RIT2: variants seen among roughly 807,000 people sequenced by gnomAD.
RIT2 encodes GTP-binding protein Rit2.
In RIT2, 24 loss-of-function variants were observed where a neutral mutation model predicts 23.7. The ratio of observed to expected loss-of-function variants is 1.01; its 90% CI spans 0.73 to 1.43. The LOEUF (loss-of-function observed/expected upper bound fraction) is 1.43. Ranked by LOEUF, RIT2 falls within the 40% of genes most tolerant of loss-of-function variation. The pLI, the probability that RIT2 is intolerant of heterozygous loss-of-function variation, is 0.00. For synonymous variants in RIT2, 107 were observed against 91.1 expected (o/e 1.17, Z -0.99); for missense variants, 236 against 266.9 (o/e 0.88, Z 0.81).
At chr18:43,032,030 T>G (rs1408445175) in intron 2 of RIT2, among the ~76,000 whole-genome samples, 3 of 152,074 alleles carry the variant, frequency 2.0e-5, no homozygotes, top group African/African-American at 7.2e-5. Context: ...TAACCAATAT[T>G]CCCATTAGAA....
intron 1 of RIT2, among the ~76,000 whole-genome samples, chr18:43,040,715 C>A (rs1207938296): frequency 6.6e-6 from 1 of 151,908 alleles, no homozygotes; most frequent in Admixed American, 6.6e-5. Flanking sequence ...GAAAAGAAAA[C>A]AGGTTTGCTG....
intron 3 of RIT2, among the ~76,000 whole-genome samples, chr18:42,972,508 A>G (rs1598734799): frequency 6.6e-6 from 1 of 151,084 alleles, no homozygotes; most frequent in East Asian, 1.9e-4. Flanking sequence ...GGGAAATAAT[A>G]TGATGAAGAT....
chr18:43,089,328 G>T (rs1021710213), intron 1 of RIT2, among the ~76,000 whole-genome samples: 14 of 151,806 alleles, frequency 9.2e-5, no homozygotes, highest in African/African-American at 3.4e-4. Context: ...ATTCACAATT[G>T]CCATAAAAAA....
At chr18:43,015,511 A>G (rs2144259307) in intron 2 of RIT2, among the ~76,000 whole-genome samples, 1 of 151,872 alleles carries the variant, frequency 6.6e-6, no homozygotes, top group South Asian at 2.1e-4. Flanking sequence ...AGTTATTTTC[A>G]GGTATATGAG....
At chr18:42,980,339 T>C (rs1284209407) in intron 2 of RIT2, among the ~76,000 whole-genome samples, 2 of 152,008 alleles carry the variant, frequency 1.3e-5, no homozygotes, top group African/African-American at 2.4e-5. Flanking sequence ...CTCTGAGAAA[T>C]AGGAGCTTCC....
rs533577544 is a variant in RIT2, at chr18:42,996,400, G to A, written c.161-22253C>T. On this transcript the variant is annotated intron_variant, in intron 2 of 4. Transcript: ENST00000326695. The stretch of plus-strand genomic sequence containing the variant: ...CTTATTAATATAAGAAGACAGGAAT[G>A]TCAGGTTTCTGAGTCCAAGCTAAGC... Among the ~76,000 whole-genome samples, 26 of 152,186 alleles carry A rather than the reference G, an allele frequency of 1.7e-4. No individual in the cohort carries two copies. In the East Asian group the frequency reaches 3.1e-3, roughly 18 times the overall value.
chr18:43,020,477 CTCTG>C (rs905882145), intron 2 of RIT2, among the ~76,000 whole-genome samples: 7 of 151,920 alleles, frequency 4.6e-5, no homozygotes, highest in African/African-American at 1.7e-4. Context: ...CAGAGTGAGA[CTCTG>C]TCTAAAACAA....
chr18:42,894,603 T>A (rs1908273253), intron 4 of RIT2, among the ~76,000 whole-genome samples: 1 of 152,110 alleles, frequency 6.6e-6, no homozygotes, highest in Non-Finnish European at 1.5e-5. Context: ...AATAAACAGA[T>A]CTTCATGTGT....
intron 3 of RIT2, among the ~76,000 whole-genome samples, chr18:42,929,059 T>TATATATATATATATATATATATATATA (rs1307173363): frequency 8.0e-5 from 4 of 50,240 alleles, no homozygotes; most frequent in Admixed American, 2.2e-4. Flanking sequence ...ATATATATAT[T>TATATATATATATATATATATATATATA]TATATGAGAC....
intron 4 of RIT2, among the ~76,000 whole-genome samples, chr18:42,835,318 ACACT>A (rs1361011789): frequency 6.6e-6 from 1 of 152,194 alleles, no homozygotes; most frequent in African/African-American, 2.4e-5. Context: ...TTACACACAC[ACACT>A]CACACACACA....
At chr18:42,755,028 T>C (rs1198336965) in intron 4 of RIT2, among the ~76,000 whole-genome samples, 4 of 152,150 alleles carry the variant, frequency 2.6e-5, no homozygotes, top group Non-Finnish European at 5.9e-5. Context: ...TTTAATTTCC[T>C]CATAAAATTC....
At chr18:43,063,189 AT>A (rs1234978889) in intron 1 of RIT2, among the ~76,000 whole-genome samples, 1 of 152,212 alleles carries the variant, frequency 6.6e-6, no homozygotes, top group Admixed American at 6.5e-5. Context: ...AATACATCTT[AT>A]AAATTTCAAT....
chr18:42,979,346 A>G (rs1910543937), intron 2 of RIT2, among the ~76,000 whole-genome samples: 1 of 152,140 alleles, frequency 6.6e-6, no homozygotes. Context: ...TTTTCATTAA[A>G]TGATTTTCAA....
intron 3 of RIT2, among the ~76,000 whole-genome samples, chr18:42,960,578 G>T (rs531168208): frequency 6.6e-6 from 1 of 152,108 alleles, no homozygotes; most frequent in Non-Finnish European, 1.5e-5. Flanking sequence ...GCCTCCCAAA[G>T]TGCTGGGATT....
chr18:43,027,753 A>T (rs1450815204), intron 2 of RIT2, among the ~76,000 whole-genome samples: 1 of 152,054 alleles, frequency 6.6e-6, no homozygotes, highest in Non-Finnish European at 1.5e-5. Flanking sequence ...AGCATAATAC[A>T]TTTAAAGTGA....
At chr18:42,781,114 G>A (rs1913802133) in intron 4 of RIT2, among the ~76,000 whole-genome samples, 1 of 152,038 alleles carries the variant, frequency 6.6e-6, no homozygotes, top group East Asian at 1.9e-4. Flanking sequence ...AGAATCAAAT[G>A]TACTGAAAAT....
intron 2 of RIT2, among the ~76,000 whole-genome samples, chr18:42,985,273 G>C (rs1910684493): frequency 6.6e-6 from 1 of 152,124 alleles, no homozygotes; most frequent in African/African-American, 2.4e-5. Flanking sequence ...GAAAGTTAAA[G>C]ATCATCTAAA....
intron 4 of RIT2, among the ~76,000 whole-genome samples, chr18:42,866,531 T>C (rs908274352): frequency 3.9e-5 from 6 of 152,100 alleles, no homozygotes; most frequent in African/African-American, 1.4e-4. Context: ...ATTATTCCTA[T>C]TGAAAATGGC....
chr18:42,950,573 C>A (rs1464279481), intron 3 of RIT2, among the ~76,000 whole-genome samples: 2 of 151,932 alleles, frequency 1.3e-5, no homozygotes. Flanking sequence ...AGCTTCTGCA[C>A]CGCAAAAGAA....
Sources: allele counts gnomAD v4.1 joint callset (sites outside exome capture counted in the v4.1 genomes callset), GRCh38; gene constraint gnomAD v4.1.1; transcripts MANE v1.5; gene names NCBI Gene and HGNC (gene_info 2026-07-23, HGNC 2026-07-21).